The following CRAT variants were observed in gnomAD, a reference collection of about 807,000 sequenced individuals.
CRAT encodes carnitine O-acetyltransferase.
A neutral mutation model predicts 73.7 loss-of-function variants in CRAT; 66 were observed. The observed-to-expected ratio is 0.90, with a 90% confidence interval of 0.73 to 1.10. The LOEUF (loss-of-function observed/expected upper bound fraction) is 1.10, where lower values mean the gene tolerates loss of function less well. Among genes scored for constraint, CRAT ranks in the 50% least tolerant of loss-of-function variants. CRAT has a pLI of 0.00. For missense variants in CRAT, 745 were observed against 846.9 expected, an observed-to-expected ratio of 0.88 and a Z score of 1.49; for synonymous variants, 321 against 343.2, an observed-to-expected ratio of 0.94 and a Z score of 0.71.
chr9:129,095,631 A>C lies in CRAT; in HGVS notation c.1666-19T>G. 1 of 1,607,664 alleles carries C rather than the reference A, an allele frequency of 6.2e-7. No homozygotes were observed. The highest frequency in any genetic ancestry group is 8.5e-7 in the Non-Finnish European group (1 of 1,177,442). On this transcript the variant is annotated intron_variant, in intron 13 of 13. Transcript: ENST00000318080. ...CAGGGACCTGGGGACGGCAGGATGA[A>C]AGCTCTCAGCTCCCCTACCTTGACG...
Position 129,095,231 on chromosome 9 carries a change from C to T in CRAT, c.*166G>A. The T allele has an allele frequency of 1.3e-6, 1 of 744,824 alleles. No individual in the cohort carries two copies. The highest frequency in any genetic ancestry group is 2.1e-6 in the Non-Finnish European group (1 of 467,162). The allele number at this position is 744,824 out of a possible 1,614,324, so 46.1% of individuals were successfully genotyped here. A position where few individuals can be genotyped will look rare whatever the true frequency, so the allele number is the denominator to read the frequency against. Reference sequence around the variant, plus strand: ...GGGATGACCCACGGAAGGCACTTGGCTGGGGCCTGCAGGCCCCCTGGAGGA... The same window carrying T: ...GGGATGACCCACGGAAGGCACTTGGTTGGGGCCTGCAGGCCCCCTGGAGGA... On this transcript the variant is annotated 3_prime_UTR_variant, in exon 14 of 14. Coordinates refer to ENST00000318080, the MANE Select transcript of CRAT (RefSeq NM_000755.5).
At position 129,104,272 on chromosome 9, in the gene CRAT, T is replaced by G; in HGVS notation, c.326A>C (p.Gln109Pro). Reference protein sequence around the residue: ...SEWWLKTAYLQYRQPVVIYSS... With the variant: ...SEWWLKTAYLPYRQPVVIYSS... Reference sequence around the variant, plus strand: ...GTAGATGACCACAGGCTGGCGGTACTGGAGGTAGGCGGTCTTGAGCCACCA... The same window carrying G: ...GTAGATGACCACAGGCTGGCGGTACGGGAGGTAGGCGGTCTTGAGCCACCA... Residue 109 changes from glutamine to proline, a missense_variant, in exon 3 of 14, where the codon CAG (glutamine) becomes CCG (proline). Physicochemically the swap from Gln to Pro is moderately conservative, Grantham distance 76. Coordinates refer to ENST00000318080, the MANE Select transcript of CRAT (RefSeq NM_000755.5). 6.2e-7 allele frequency: 1 copy of G among 1,613,490 alleles called. No individual in the cohort carries two copies. Among genetic ancestry groups the G allele is most frequent in the Non-Finnish European group, 8.5e-7 (1 of 1,179,812 alleles).
At chr9:129,098,798 A>C in intron 8 of CRAT, 148 bp from the exon 9 acceptor site, 1 of 814,414 alleles carries the variant, frequency 1.2e-6, no homozygotes, top group Middle Eastern at 3.7e-4. Flanking sequence ...CCCTCACTTC[A>C]GCTTTTTTTT....
In CRAT at chr9:129,108,977, G is replaced by T. The variant is rs1848197789; in HGVS notation, c.28-900C>A. ...TGGCGATGGCTGTGGTGGAATCGGG[G>T]GTTGTGGCAGTGGCAGGGGAAGCTC... is the stretch of plus-strand genomic sequence containing the variant. On this transcript the variant is annotated intron_variant, in intron 1 of 13. Transcript: ENST00000318080. The T allele has an allele frequency of 3.3e-6, 4 of 1,230,506 alleles. No individual in the cohort carries two copies. In the South Asian group the frequency reaches 4.3e-5, roughly 13 times the overall value. 76.2% of individuals were successfully genotyped at this position (1,230,506 alleles called of 1,614,324 possible). A position where few individuals can be genotyped will look rare whatever the true frequency, so the allele number is the denominator to read the frequency against.
chr9:129,108,448 C>A, intron 1 of CRAT: 1 of 1,175,706 alleles, frequency 8.5e-7, no homozygotes, highest in Non-Finnish European at 1.1e-6. Context: ...GACTGTCCCT[C>A]TTGGAGGTCC....
At position 129,103,687 on chromosome 9, in the gene CRAT, C is replaced by T. The variant is rs1211531939; in HGVS notation, c.410+501G>A. ...CCGGCCCTTCCCAGGGTACCCTGGT[C>T]CCTTTAAGAGAAGCAGGTGGTGGCA... On this transcript the variant is annotated intron_variant, in intron 3 of 13. Coordinates refer to ENST00000318080, the MANE Select transcript of CRAT (RefSeq NM_000755.5). This position sits in a 1 kb window ranked among gnomAD's most constrained non-coding sequence, Gnocchi z 4.6. Among the ~76,000 whole-genome samples the T allele has an allele frequency of 2.0e-5, 3 of 152,142 alleles. No homozygotes were observed. The highest frequency in any genetic ancestry group is 4.4e-5 in the Non-Finnish European group (3 of 68,018).
chr9:129,095,670 C>CTTGACGCCCA, intron 13 of CRAT, 58 bp from the exon 14 acceptor site: 4 of 1,536,006 alleles, frequency 2.6e-6, no homozygotes, highest in Non-Finnish European at 3.5e-6. Context: ...CCAGCACTTC[C>CTTGACGCCCA]CAGGCTGCCT....
Position 129,107,950 on chromosome 9 carries a change from T to C in CRAT, c.155A>G (p.Lys52Arg). The C allele has an allele frequency of 6.2e-7, 1 of 1,608,932 alleles. No individual in the cohort carries two copies. The highest frequency in any genetic ancestry group is 8.5e-7 in the Non-Finnish European group (1 of 1,179,604). ...PLQQSLDHYL[K>R]ALQPIVSEEE... ...CTCACTCACGATGGGCTGCAGCGCC[T>C]TCAGGTAGTGGTCCAGGGACTGCTG... Residue 52 changes from lysine to arginine, a missense_variant, in exon 2 of 14, where the codon AAG (lysine) becomes AGG (arginine). Coordinates refer to ENST00000318080, the MANE Select transcript of CRAT (RefSeq NM_000755.5). This position sits in a 1 kb window ranked among gnomAD's most constrained non-coding sequence, Gnocchi z 5.0.
In CRAT at chr9:129,095,246, C is replaced by G. The variant is rs559420906; in HGVS notation, c.*151G>C. On this transcript the variant is annotated 3_prime_UTR_variant, in exon 14 of 14. Transcript: ENST00000318080. ...AGGCACTTGGCTGGGGCCTGCAGGC[C>G]CCCTGGAGGATGCGGTCCGTGGCTC... 5.9e-6 allele frequency: 5 copies of G among 846,750 alleles called. No individual in the cohort carries two copies. The South Asian group carries it at 8.7e-5, about 15-fold the overall frequency. The allele number at this position is 846,750 out of a possible 1,614,324, so 52.5% of individuals were successfully genotyped here.
intron 1 of CRAT, chr9:129,108,551 G>C: frequency 8.0e-6 from 9 of 1,128,052 alleles, no homozygotes; most frequent in Non-Finnish European, 9.0e-6. Flanking sequence ...ACCTTCGGGT[G>C]AGGGGCCTTG....
intron 2 of CRAT, among the ~76,000 whole-genome samples, chr9:129,105,810 G>A (rs746433939): frequency 5.9e-5 from 9 of 152,130 alleles, no homozygotes; most frequent in Non-Finnish European, 8.8e-5. Flanking sequence ...AGATGTGGGT[G>A]ACACATCCTT....
Position 129,110,642 on chromosome 9 carries a change from G to A in CRAT, c.-133C>T. 2 of 1,124,074 alleles carry A rather than the reference G, an allele frequency of 1.8e-6. No homozygotes were observed. The highest frequency in any genetic ancestry group is 1.2e-6 in the Non-Finnish European group (1 of 842,596). 69.6% of individuals were successfully genotyped at this position (1,124,074 alleles called of 1,614,324 possible). On this transcript the variant is annotated 5_prime_UTR_variant, in exon 1 of 14. Coordinates refer to ENST00000318080, the MANE Select transcript of CRAT (RefSeq NM_000755.5). This position sits in a 1 kb window ranked among gnomAD's most constrained non-coding sequence, Gnocchi z 5.3. ...GGGCCAAGGTCGCTGAGTTACAGCC[G>A]CCAGCCGGTAGAGGCAGCCCCGCGC...
In CRAT at chr9:129,103,930, T is replaced by C. The variant is rs1010039766; in HGVS notation, c.410+258A>G. Among the ~76,000 whole-genome samples the C allele has an allele frequency of 2.0e-5, 3 of 152,110 alleles. No homozygotes were observed. Among genetic ancestry groups the C allele is most frequent in the Non-Finnish European group, 4.4e-5 (3 of 68,008 alleles). ...CTCAGGTATGGAGGAGGATGGGGCCTCTGCGAAGATGTGGTGGTTAACAGC... is the reference window on the plus strand; with the variant it reads ...CTCAGGTATGGAGGAGGATGGGGCCCCTGCGAAGATGTGGTGGTTAACAGC... On this transcript the variant is annotated intron_variant, in intron 3 of 13. Transcript: ENST00000318080. The surrounding 1 kb of genome is among the most constrained non-coding windows in gnomAD (Gnocchi z 4.6).
At chr9:129,100,216 C>T (rs1588447682) in intron 7 of CRAT, 1 of 581,794 alleles carries the variant, frequency 1.7e-6, no homozygotes, top group Non-Finnish European at 3.0e-6. Flanking sequence ...CCCCATTTTA[C>T]AGGTGTGGAG....
intron 5 of CRAT, 139 bp from the exon 6 acceptor site, chr9:129,102,196 G>T: frequency 8.4e-7 from 1 of 1,185,698 alleles, no homozygotes; most frequent in Non-Finnish European, 1.2e-6. Flanking sequence ...GGGGGAGGAG[G>T]TCCTTGGATC....
rs1158037152 is a variant in CRAT at position 129,103,636 on chromosome 9, G to A, written c.410+552C>T. Among the ~76,000 whole-genome samples the A allele has an allele frequency of 6.6e-6, 1 of 152,190 alleles. No homozygotes were observed. The highest frequency in any genetic ancestry group is 2.4e-5 in the African/African-American group (1 of 41,448). The stretch of plus-strand genomic sequence containing the variant: ...CCCCTGGATCCCACCATGGGGACCA[G>A]TGGCTGGAGTTCCTGGGCCTGAACC... On this transcript the variant is annotated intron_variant, in intron 3 of 13. Transcript: ENST00000318080. The surrounding 1 kb of genome is among the most constrained non-coding windows in gnomAD (Gnocchi z 4.6).
At chr9:129,104,797 G>C (rs17459128) in intron 2 of CRAT, among the ~76,000 whole-genome samples, 2 of 151,564 alleles carry the variant, frequency 1.3e-5, no homozygotes, top group African/African-American at 2.4e-5. Context: ...GTAGAGACGG[G>C]GTTTCACCGT....
At chr9:129,097,613 G>A (rs560774230) in intron 11 of CRAT, among the ~76,000 whole-genome samples, 18 of 152,156 alleles carry the variant, frequency 1.2e-4, no homozygotes, top group African/African-American at 4.3e-4. Flanking sequence ...GGAGGCTGAG[G>A]CAGGAGGATT....
rs1430737168 is a variant in CRAT at position 129,097,279 on chromosome 9, C to T, written c.1498G>A (p.Val500Met). ...HQKVELLRKA[V>M]QAHRGYTDRA... Reference sequence around the variant, plus strand: ...TCGGTGTAGCCTCGGTGGGCCTGCACGGCCTTCCGCAGCAGCTCCACCTTC... The same window carrying T: ...TCGGTGTAGCCTCGGTGGGCCTGCATGGCCTTCCGCAGCAGCTCCACCTTC... Residue 500 changes from valine to methionine, a missense_variant, in exon 12 of 14, where the codon GTG becomes ATG. Physicochemically the swap from Val to Met is conservative, Grantham distance 21. Transcript: ENST00000318080. 6.6e-6 allele frequency: 10 copies of T among 1,505,706 alleles called. No homozygotes were observed. Among genetic ancestry groups the T allele is most frequent in the African/African-American group, 1.5e-5 (1 of 65,432 alleles). The allele number at this position is 1,505,706 out of a possible 1,614,324, so 93.3% of individuals were successfully genotyped here.
Sources: gnomAD v4.1 joint callset for allele counts (sites outside exome capture counted in the v4.1 genomes callset) on GRCh38, gnomAD v4.1.1 for gene constraint, Gnocchi (gnomAD v3.1) non-coding constraint, MANE v1.5 for transcripts, NCBI Gene and HGNC (gene_info 2026-07-23, HGNC 2026-07-21) for gene names.